Variants in ITSN1 observed in about 807,000 individuals in gnomAD.
ITSN1 encodes the protein intersectin 1, also known as intersectin-1.
ITSN1 carries 58 observed loss-of-function variants against 239.8 expected under a neutral mutation model. The observed-to-expected ratio is 0.24, with a 90% confidence interval of 0.20 to 0.30. ITSN1 has a LOEUF of 0.30. Among genes scored for constraint, ITSN1 ranks in the 10% least tolerant of loss-of-function variants. ITSN1 has a pLI of 1.00. For missense variants in ITSN1, 1,558 were observed against 2,103.3 expected (o/e 0.74, Z 5.07); for synonymous variants, 780 against 770.8 (o/e 1.01, Z -0.20).
intron 1 of ITSN1, among the ~76,000 whole-genome samples, chr21:33,709,761 T>C (rs1601768548): frequency 6.6e-6 from 1 of 152,314 alleles, no homozygotes; most frequent in East Asian, 1.9e-4. Flanking sequence ...AATATAGTTA[T>C]TGTTTTCTAG....
At chr21:33,816,236 C>T (rs2073261165) in intron 22 of ITSN1, among the ~76,000 whole-genome samples, 3 of 151,954 alleles carry the variant, frequency 2.0e-5, no homozygotes, top group Admixed American at 6.6e-5. Flanking sequence ...AACCTGAGTC[C>T]GTAATAGATC....
chr21:33,783,348 T>C (rs1399918529), intron 16 of ITSN1, among the ~76,000 whole-genome samples: 1 of 152,226 alleles, frequency 6.6e-6, no homozygotes. Flanking sequence ...TGTCTAGACA[T>C]CTGAGTTTGA....
chr21:33,869,198 T>C (rs1982276789), intron 33 of ITSN1, among the ~76,000 whole-genome samples: 1 of 152,140 alleles, frequency 6.6e-6, no homozygotes, highest in East Asian at 1.9e-4. Flanking sequence ...GACTGGGTAA[T>C]TAATAAGGAA....
chr21:33,770,137 C>T (rs186727005), intron 11 of ITSN1, among the ~76,000 whole-genome samples: 2 of 152,190 alleles, frequency 1.3e-5, no homozygotes, highest in African/African-American at 4.8e-5. Context: ...GATCTTGGCT[C>T]ACCACAACCT....
intron 27 of ITSN1, among the ~76,000 whole-genome samples, chr21:33,833,240 C>G (rs1053208254): frequency 2.0e-5 from 3 of 151,974 alleles, no homozygotes; most frequent in African/African-American, 7.3e-5. Flanking sequence ...CAGAAACACT[C>G]CATAAATGAG....
At chr21:33,734,983 T>G in intron 4 of ITSN1, 61 bp from the exon 5 acceptor site, 1 of 1,445,980 alleles carries the variant, frequency 6.9e-7, no homozygotes, top group South Asian at 1.4e-5. Flanking sequence ...GTGGGAGTGG[T>G]GGTTTTGGAA....
intron 4 of ITSN1, among the ~76,000 whole-genome samples, chr21:33,725,133 G>GTTTTTTTTTTTTTT (rs1171718411): frequency 1.1e-5 from 1 of 91,152 alleles, no homozygotes. Context: ...TTTTTTTTTT[G>GTTTTTTTTTTTTTT]TTTTTTTTTT....
chr21:33,744,298 C>T (rs2067050631), intron 5 of ITSN1, among the ~76,000 whole-genome samples: 1 of 151,954 alleles, frequency 6.6e-6, no homozygotes, highest in Non-Finnish European at 1.5e-5. Flanking sequence ...TTTTCTATAC[C>T]TTTGAAATCT....
At chr21:33,722,189 A>T (rs2065527834) in intron 3 of ITSN1, among the ~76,000 whole-genome samples, 1 of 152,206 alleles carries the variant, frequency 6.6e-6, no homozygotes, top group Admixed American at 6.5e-5. Context: ...AATACTTCAG[A>T]AGTACCCAGA....
intron 34 of ITSN1, among the ~76,000 whole-genome samples, chr21:33,880,464 T>C (rs1185250929): frequency 6.6e-6 from 1 of 152,132 alleles, no homozygotes; most frequent in Non-Finnish European, 1.5e-5. Flanking sequence ...GAATGTTCTT[T>C]GAAGGTTCCT....
chr21:33,704,938 A>C (rs1290958206), intron 1 of ITSN1, among the ~76,000 whole-genome samples: 2 of 147,492 alleles, frequency 1.4e-5, no homozygotes, highest in African/African-American at 5.1e-5. Flanking sequence ...AAAAAAAAAA[A>C]AAAAAAAAAT....
chr21:33,773,675 C>T (rs1168570228), intron 12 of ITSN1, among the ~76,000 whole-genome samples: 2 of 151,824 alleles, frequency 1.3e-5, no homozygotes, highest in Admixed American at 6.6e-5. Flanking sequence ...AAACTTATAG[C>T]CATAACTCCT....
intron 25 of ITSN1, among the ~76,000 whole-genome samples, chr21:33,824,675 T>C (rs1356086674): frequency 1.3e-5 from 2 of 152,222 alleles, no homozygotes; most frequent in Non-Finnish European, 2.9e-5. Context: ...AGGCTGGGCC[T>C]GGTGCCCTGC....
intron 27 of ITSN1, among the ~76,000 whole-genome samples, chr21:33,833,366 T>C (rs2074405870): frequency 6.6e-6 from 1 of 152,218 alleles, no homozygotes; most frequent in Non-Finnish European, 1.5e-5. Context: ...CCTTGTGTTC[T>C]GTGTGTACTG....
rs555621773 is a variant in ITSN1 at position 33,717,856 on chromosome 21, T to C, written c.-32-941T>C. ...TTCTGGGATTACAGGCGTGAGCCAC[T>C]GCGCCCGGCCCTAAATCTGGATTTT... On this transcript the variant is annotated intron_variant, in intron 1 of 39. Transcript: ENST00000381318. Among the ~76,000 whole-genome samples, 53 of 152,296 alleles carry C rather than the reference T, an allele frequency of 3.5e-4. 1 individual carries two copies. Among genetic ancestry groups the C allele is most frequent in the South Asian group, 1.0e-3 (5 of 4,824 alleles).
At chr21:33,696,262 A>G (rs982850384) in intron 1 of ITSN1, among the ~76,000 whole-genome samples, 3 of 152,144 alleles carry the variant, frequency 2.0e-5, no homozygotes, top group Non-Finnish European at 2.9e-5. Flanking sequence ...GCCAGCATCT[A>G]TGTGTGGATC....
rs1052125661 is a variant in ITSN1, at chr21:33,891,221, T to C, written c.*2921T>C. The C allele has an allele frequency of 6.6e-6, 1 of 152,236 alleles. No homozygotes were observed. The highest frequency in any genetic ancestry group is 1.5e-5 in the Non-Finnish European group (1 of 68,050). The allele number at this position is 152,236 out of a possible 1,614,324, so 9.4% of individuals were successfully genotyped here. ...CCTGGACTAATCTGGAAAGAGGGAC[T>C]TTCTAGGTGCAGGTCACCAGGGATG... is the stretch of plus-strand genomic sequence containing the variant. On this transcript the variant is annotated 3_prime_UTR_variant, in exon 40 of 40. Transcript: ENST00000381318.
chr21:33,844,297 C>T (rs1014673800), intron 29 of ITSN1, among the ~76,000 whole-genome samples: 3 of 152,212 alleles, frequency 2.0e-5, no homozygotes, highest in East Asian at 3.8e-4. Flanking sequence ...GTGTTTCACA[C>T]GGTCGACGGT....
chr21:33,704,409 GCTAA>G (rs1339435185), intron 1 of ITSN1, among the ~76,000 whole-genome samples: 1 of 152,094 alleles, frequency 6.6e-6, no homozygotes, highest in African/African-American at 2.4e-5. Context: ...AGTTTACCAG[GCTAA>G]CTACTTTGTG....
Sources: gnomAD v4.1 joint callset for allele counts (sites outside exome capture counted in the v4.1 genomes callset) on GRCh38, gnomAD v4.1.1 for gene constraint, MANE v1.5 for transcripts, NCBI Gene and HGNC (gene_info 2026-07-23, HGNC 2026-07-21) for gene names.